KCNMB4: variants seen among roughly 807,000 people sequenced by gnomAD.
KCNMB4 encodes potassium calcium-activated channel subfamily M regulatory beta subunit 4.
In KCNMB4, 3 loss-of-function variants were observed where a neutral mutation model predicts 20.7. That is an observed-to-expected ratio of 0.14 (90% CI 0.07 to 0.37). The LOEUF (loss-of-function observed/expected upper bound fraction) is 0.37. KCNMB4 is among the 10% of genes least tolerant of loss of function. The pLI is 1.00. For missense variants in KCNMB4, 168 were observed against 265.9 expected, an observed-to-expected ratio of 0.63 and a Z score of 2.56; for synonymous variants, 110 against 113.4, an observed-to-expected ratio of 0.97 and a Z score of 0.19.
Position 70,408,106 on chromosome 12 carries a change from C to T in KCNMB4, c.464+7770C>T, listed in dbSNP as rs546121393. Among the ~76,000 whole-genome samples the T allele has an allele frequency of 3.9e-5, 6 of 152,108 alleles. No individual in the cohort carries two copies. The East Asian group carries it at 7.8e-4, about 20-fold the overall frequency. On this transcript the variant is annotated intron_variant, in intron 2 of 2. Transcript: ENST00000258111. ...ATCATCTCACTGTCCCATTCCCAAA[C>T]GGTGGGGGTGTAGATAGAAGCGGGG...
intron 2 of KCNMB4, among the ~76,000 whole-genome samples, chr12:70,424,150 A>G (rs756798839): frequency 1.3e-5 from 2 of 152,164 alleles, no homozygotes; most frequent in Non-Finnish European, 2.9e-5. Context: ...TATGAGTATT[A>G]GTGGTCTTTC....
intron 2 of KCNMB4, among the ~76,000 whole-genome samples, chr12:70,413,407 T>C (rs1312313866): frequency 2.0e-5 from 3 of 152,186 alleles, no homozygotes; most frequent in Admixed American, 1.3e-4. Flanking sequence ...ACAAGAACCG[T>C]AGGACAAGTA....
intron 1 of KCNMB4, among the ~76,000 whole-genome samples, chr12:70,383,729 T>C (rs561691801): frequency 2.6e-5 from 4 of 152,346 alleles, no homozygotes; most frequent in Non-Finnish European, 4.4e-5. Context: ...CATGGCCTTT[T>C]TCCCTCTGTA....
At chr12:70,377,677 C>G (rs372487929) in intron 1 of KCNMB4, among the ~76,000 whole-genome samples, 3 of 152,310 alleles carry the variant, frequency 2.0e-5, no homozygotes, top group African/African-American at 7.2e-5. Flanking sequence ...ATTTTACTTA[C>G]AGTAGAACTC....
chr12:70,388,552 A>G (rs1234764515), intron 1 of KCNMB4, among the ~76,000 whole-genome samples: 2 of 151,988 alleles, frequency 1.3e-5, no homozygotes, highest in Non-Finnish European at 2.9e-5. Context: ...AATAAAAGCC[A>G]TTTTAACTGG....
At chr12:70,393,567 T>C (rs1868321927) in intron 1 of KCNMB4, among the ~76,000 whole-genome samples, 1 of 152,192 alleles carries the variant, frequency 6.6e-6, no homozygotes, top group African/African-American at 2.4e-5. Flanking sequence ...TGCCGAACTT[T>C]TCAGTCTTAA....
intron 1 of KCNMB4, among the ~76,000 whole-genome samples, chr12:70,374,294 T>C (rs1448831010): frequency 3.9e-5 from 6 of 152,236 alleles, no homozygotes; most frequent in Non-Finnish European, 7.3e-5. Flanking sequence ...TGGGCACTTA[T>C]TTATGAATGA....
chr12:70,418,090 G>A (rs987273691), intron 2 of KCNMB4, among the ~76,000 whole-genome samples: 1 of 152,120 alleles, frequency 6.6e-6, no homozygotes, highest in African/African-American at 2.4e-5. Flanking sequence ...TCATACCCAG[G>A]ACTGTTGAGA....
At chr12:70,414,615 A>G (rs1013106314) in intron 2 of KCNMB4, among the ~76,000 whole-genome samples, 3 of 152,190 alleles carry the variant, frequency 2.0e-5, no homozygotes, top group African/African-American at 7.2e-5. Context: ...CCCTTGATAA[A>G]TCCAGAGACT....
Position 70,367,175 on chromosome 12 carries a change from A to G in KCNMB4, c.336+105A>G, listed in dbSNP as rs1299311850. 3.6e-5 allele frequency: 31 copies of G among 856,834 alleles called. No individual in the cohort carries two copies. The South Asian group carries it at 4.1e-4, about 11-fold the overall frequency. The allele number at this position is 856,834 out of a possible 1,614,324, so 53.1% of individuals were successfully genotyped here. On this transcript the variant is annotated intron_variant, in intron 1 of 2. Coordinates refer to ENST00000258111, the MANE Select transcript of KCNMB4 (RefSeq NM_014505.6). The stretch of plus-strand genomic sequence containing the variant: ...GGGTTCGGCGTGTGCTCGCATTGCT[A>G]GGAGGAGACCAGGTGGCGCAGGCTG...
At chr12:70,425,541 C>A (rs1869189985) in intron 2 of KCNMB4, among the ~76,000 whole-genome samples, 1 of 152,218 alleles carries the variant, frequency 6.6e-6, no homozygotes, top group Non-Finnish European at 1.5e-5. Context: ...ATGACATAGG[C>A]ACCTCTTTCA....
At chr12:70,419,661 T>A (rs1868999107) in intron 2 of KCNMB4, among the ~76,000 whole-genome samples, 2 of 152,174 alleles carry the variant, frequency 1.3e-5, no homozygotes, top group South Asian at 4.1e-4. Flanking sequence ...AGTTTAGAAT[T>A]GCTAGTGACA....
chr12:70,420,785 G>A (rs137966263), intron 2 of KCNMB4, among the ~76,000 whole-genome samples: 5 of 152,234 alleles, frequency 3.3e-5, no homozygotes, highest in African/African-American at 9.6e-5. Context: ...ATTGCCAGGC[G>A]CAGTGGCTCA....
intron 1 of KCNMB4, among the ~76,000 whole-genome samples, chr12:70,399,483 G>A (rs1868398705): frequency 6.6e-6 from 1 of 152,192 alleles, no homozygotes; most frequent in South Asian, 2.1e-4. Flanking sequence ...ATAGAAACTG[G>A]CATCATCTTC....
chr12:70,374,550 A>ATT (rs1476988304), intron 1 of KCNMB4, among the ~76,000 whole-genome samples: 1 of 152,232 alleles, frequency 6.6e-6, no homozygotes, highest in Admixed American at 6.5e-5. Context: ...GAGTTGTAAT[A>ATT]TCCTCTTCTA....
chr12:70,366,696 G>A lies in KCNMB4; in HGVS notation c.-39G>A. 1 of 1,448,610 alleles carries A rather than the reference G, an allele frequency of 6.9e-7. No individual in the cohort carries two copies. The allele number at this position is 1,448,610 out of a possible 1,614,324, so 89.7% of individuals were successfully genotyped here. On this transcript the variant is annotated 5_prime_UTR_variant, in exon 1 of 3. Coordinates refer to ENST00000258111, the MANE Select transcript of KCNMB4 (RefSeq NM_014505.6). ...CGGGCTCGGCGCCGGGGGCGGGAGG[G>A]GGCGGGGGGAGCACGCCAGCCGCCG...
Position 70,415,911 on chromosome 12 carries a change from A to C in KCNMB4, c.465-14574A>C, listed in dbSNP as rs144378204. ...TTACAGCTGACTAGTGAGAGCCAAC[A>C]CACAAATATGGCCCTGGTCCCTGCT... is the stretch of plus-strand genomic sequence containing the variant. On this transcript the variant is annotated intron_variant, in intron 2 of 2. Coordinates refer to ENST00000258111, the MANE Select transcript of KCNMB4 (RefSeq NM_014505.6). 4.7e-3 allele frequency among the ~76,000 whole-genome samples: 711 copies of C among 152,312 alleles called. 19 individuals are homozygous for C. The highest frequency in any genetic ancestry group is 5.8e-3 in the East Asian group (30 of 5,188).
chr12:70,377,356 G>A (rs557900403), intron 1 of KCNMB4, among the ~76,000 whole-genome samples: 30 of 152,198 alleles, frequency 2.0e-4, no homozygotes, highest in African/African-American at 7.2e-4. Flanking sequence ...TAGTTTCCCA[G>A]TACATATAAA....
At chr12:70,385,307 A>G (rs936085943) in intron 1 of KCNMB4, among the ~76,000 whole-genome samples, 1 of 152,134 alleles carries the variant, frequency 6.6e-6, no homozygotes, top group Non-Finnish European at 1.5e-5. Flanking sequence ...AGGACATCAC[A>G]CAGTGTTGTG....
Sources: allele counts gnomAD v4.1 joint callset (sites outside exome capture counted in the v4.1 genomes callset), GRCh38; gene constraint gnomAD v4.1.1; transcripts MANE v1.5; gene names NCBI Gene and HGNC (gene_info 2026-07-23, HGNC 2026-07-21).